Variants in CACNA2D3 observed in about 807,000 individuals in gnomAD.
CACNA2D3 encodes the protein voltage-dependent calcium channel subunit alpha-2/delta-3.
CACNA2D3 carries 60 observed loss-of-function variants against 160.6 expected under a neutral mutation model. That is an observed-to-expected ratio of 0.37 (90% CI 0.30 to 0.46). The LOEUF is 0.46. Ranked by LOEUF, CACNA2D3 falls within the 20% of genes least tolerant of loss-of-function variation. The pLI is 1.00. For missense variants in CACNA2D3, 1,205 were observed against 1,365.0 expected, an observed-to-expected ratio of 0.88 and a Z score of 1.85; for synonymous variants, 558 against 492.9, an observed-to-expected ratio of 1.13 and a Z score of -1.75.
At chr3:54,716,563 T>C (rs1701054048) in intron 11 of CACNA2D3, among the ~76,000 whole-genome samples, 1 of 152,282 alleles carries the variant, frequency 6.6e-6, no homozygotes, top group Non-Finnish European at 1.5e-5. Context: ...AGCTGTCAAA[T>C]ATACATTCAT....
chr3:54,205,615 G>T (rs572785448), intron 2 of CACNA2D3, among the ~76,000 whole-genome samples: 3 of 152,136 alleles, frequency 2.0e-5, no homozygotes, highest in Non-Finnish European at 4.4e-5. Flanking sequence ...ACCACAATGG[G>T]CATCACTTGA....
chr3:54,826,864 A>G (rs145024917), intron 14 of CACNA2D3, among the ~76,000 whole-genome samples: 6 of 152,310 alleles, frequency 3.9e-5, no homozygotes, highest in African/African-American at 1.4e-4. Context: ...TGAAGTTCAA[A>G]TCTTTGGATT....
At chr3:54,991,434 G>C (rs1414158694) in intron 31 of CACNA2D3, among the ~76,000 whole-genome samples, 3 of 152,050 alleles carry the variant, frequency 2.0e-5, no homozygotes, top group African/African-American at 7.2e-5. Context: ...TGTTGGCTAG[G>C]CTGGTCTTGG....
chr3:54,408,468 A>G (rs546961206), intron 4 of CACNA2D3, among the ~76,000 whole-genome samples: 13 of 152,298 alleles, frequency 8.5e-5, no homozygotes, highest in African/African-American at 2.6e-4. Flanking sequence ...TTCCCTGAAA[A>G]CAGAACATTC....
intron 9 of CACNA2D3, among the ~76,000 whole-genome samples, chr3:54,603,711 C>T (rs1703107660): frequency 6.6e-6 from 1 of 152,186 alleles, no homozygotes. Flanking sequence ...GATGTTTTCT[C>T]ATGTTTAAAA....
At chr3:54,661,095 C>T (rs1488005171) in intron 11 of CACNA2D3, among the ~76,000 whole-genome samples, 3 of 152,040 alleles carry the variant, frequency 2.0e-5, no homozygotes, top group Non-Finnish European at 4.4e-5. Context: ...AGTAAGATGT[C>T]GAGGGAGGAT....
chr3:54,848,573 A>C (rs535999379), intron 17 of CACNA2D3, among the ~76,000 whole-genome samples: 51 of 152,330 alleles, frequency 3.3e-4, no homozygotes, highest in Admixed American at 7.2e-4. Flanking sequence ...TCAGATACTT[A>C]GAAGAAGTTT....
At chr3:54,141,586 C>G (rs1016736149) in intron 2 of CACNA2D3, among the ~76,000 whole-genome samples, 1 of 152,126 alleles carries the variant, frequency 6.6e-6, no homozygotes, top group East Asian at 1.9e-4. Flanking sequence ...AAAAAGTCCT[C>G]GAACTCAGCC....
rs186006785 is a variant in CACNA2D3, at chr3:54,274,835, T to C, written c.205-45607T>C. 4.3e-3 allele frequency among the ~76,000 whole-genome samples: 654 copies of C among 152,362 alleles called. 7 individuals are homozygous for C. The highest frequency in any genetic ancestry group is 4.2e-3 in the Non-Finnish European group (284 of 68,034). On this transcript the variant is annotated intron_variant, in intron 2 of 37. Transcript: ENST00000474759. ...CACGTGGGCCTCTCTGTTGAGCAGC[T>C]CACTGCATGGCAGCTGGCTTCCAGC...
chr3:54,787,367 G>T (rs1166762596), intron 13 of CACNA2D3, among the ~76,000 whole-genome samples: 3 of 152,232 alleles, frequency 2.0e-5, no homozygotes, highest in African/African-American at 7.2e-5. Context: ...AAATCATGAT[G>T]TATCTTTTAT....
intron 4 of CACNA2D3, among the ~76,000 whole-genome samples, chr3:54,496,725 A>C (rs960464161): frequency 1.3e-5 from 2 of 152,146 alleles, no homozygotes; most frequent in Non-Finnish European, 2.9e-5. Context: ...GGAGGCCATA[A>C]AGTATCCTTT....
chr3:54,136,794 A>G (rs972704360), intron 2 of CACNA2D3, among the ~76,000 whole-genome samples: 18 of 152,220 alleles, frequency 1.2e-4, no homozygotes, highest in Non-Finnish European at 1.8e-4. Flanking sequence ...GCATTATTTC[A>G]GGAGCCTACT....
chr3:54,902,830 AAAAC>A (rs1700369086), intron 27 of CACNA2D3, among the ~76,000 whole-genome samples: 1 of 152,234 alleles, frequency 6.6e-6, no homozygotes. Context: ...ATAAAATGAG[AAAAC>A]AAACAAGAAA....
intron 2 of CACNA2D3, among the ~76,000 whole-genome samples, chr3:54,167,088 T>C (rs959774276): frequency 4.2e-4 from 64 of 152,232 alleles, no homozygotes; most frequent in Admixed American, 3.7e-3. Context: ...AGAATTTCTA[T>C]GTACAGAGTG....
intron 2 of CACNA2D3, among the ~76,000 whole-genome samples, chr3:54,135,475 C>G (rs942008014): frequency 6.6e-6 from 1 of 152,230 alleles, no homozygotes; most frequent in South Asian, 2.1e-4. Context: ...AACACACCCC[C>G]GGACATGAGG....
chr3:54,957,926 CTG>C lies in CACNA2D3; in HGVS notation c.2450-10522_2450-10521del, dbSNP rs146416690. Among the ~76,000 whole-genome samples the C allele has an allele frequency of 2.2e-3, 334 of 152,328 alleles. 1 individual carries two copies. Among genetic ancestry groups the C allele is most frequent in the African/African-American group, 7.6e-3 (316 of 41,570 alleles). ...CTGCTGAGAACCTTTTCATTGCTCTCTGTTGCTCTTGGGACAGAGTCCAAACC... is the reference window on the plus strand; with the variant it reads ...CTGCTGAGAACCTTTTCATTGCTCTCTTGCTCTTGGGACAGAGTCCAAACC... On this transcript the variant is annotated intron_variant, in intron 27 of 37. Coordinates refer to ENST00000474759, the MANE Select transcript of CACNA2D3 (RefSeq NM_018398.3).
intron 27 of CACNA2D3, among the ~76,000 whole-genome samples, chr3:54,907,090 C>T (rs1404281608): frequency 6.6e-6 from 1 of 152,172 alleles, no homozygotes; most frequent in Non-Finnish European, 1.5e-5. Flanking sequence ...CCCAACGCGC[C>T]CTCCACTCAA....
chr3:54,274,215 C>CATATATAT (rs148715563), intron 2 of CACNA2D3, among the ~76,000 whole-genome samples: 46 of 149,936 alleles, frequency 3.1e-4, no homozygotes, highest in East Asian at 1.7e-3. Flanking sequence ...GATTTCTATG[C>CATATATAT]ATATATATAT....
chr3:54,687,135 G>A (rs838034), intron 11 of CACNA2D3, among the ~76,000 whole-genome samples: 1 of 88,896 alleles, frequency 1.1e-5, no homozygotes, highest in Non-Finnish European at 2.2e-5. Context: ...TTTTTTTTTT[G>A]TTTTTTTTTT....
Sources: allele counts gnomAD v4.1 joint callset (sites outside exome capture counted in the v4.1 genomes callset), GRCh38; gene constraint gnomAD v4.1.1; transcripts MANE v1.5; gene names NCBI Gene and HGNC (gene_info 2026-07-23, HGNC 2026-07-21).